Variants in EPHA2 observed in about 807,000 individuals in gnomAD.
The protein encoded by EPHA2 is ephrin type-A receptor 2.
In EPHA2, 54 loss-of-function variants were observed where a neutral mutation model predicts 104.9. The observed-to-expected ratio is 0.51, with a 90% CI of 0.41 to 0.65. The LOEUF (loss-of-function observed/expected upper bound fraction) is 0.65, where lower values mean the gene tolerates loss of function less well. EPHA2 is among the 30% of genes least tolerant of loss of function. The pLI, the probability that EPHA2 is intolerant of heterozygous loss-of-function variation, is 0.00. For missense variants in EPHA2, 1,117 were observed against 1,369.5 expected, an observed-to-expected ratio of 0.82 and a Z score of 2.91; for synonymous variants, 560 against 559.1, an observed-to-expected ratio of 1.00 and a Z score of -0.02.
chr1:16,134,960 A>T lies in EPHA2; in HGVS notation c.1582+76T>A. The T allele has an allele frequency of 6.3e-7, 1 of 1,588,958 alleles. No homozygotes were observed. The highest frequency in any genetic ancestry group is 8.5e-7 in the Non-Finnish European group (1 of 1,170,804). On this transcript the variant is annotated intron_variant, in intron 7 of 16. Coordinates refer to ENST00000358432, the MANE Select transcript of EPHA2 (RefSeq NM_004431.5). The surrounding 1 kb of genome is among the most constrained non-coding windows in gnomAD (Gnocchi z 4.5). ...GGGGCATTTCTAAGTTATTTGATTC[A>T]CTTCCTTTCCCAAGATGTCTCAATT...
intron 3 of EPHA2, 56 bp from the exon 4 acceptor site, chr1:16,138,486 C>A: frequency 6.2e-7 from 1 of 1,610,660 alleles, no homozygotes; most frequent in Non-Finnish European, 8.5e-7. Context: ...TGCTTCCACC[C>A]CACGTGACTG....
At chr1:16,136,367 C>T (rs371903659) in intron 5 of EPHA2, among the ~76,000 whole-genome samples, 1 of 150,448 alleles carries the variant, frequency 6.6e-6, no homozygotes, top group Non-Finnish European at 1.5e-5. Context: ...CCCCTGTAAT[C>T]CCAGCACTTT....
intron 16 of EPHA2, among the ~76,000 whole-genome samples, chr1:16,126,739 C>T (rs1381686540): frequency 6.6e-6 from 1 of 152,168 alleles, no homozygotes; most frequent in East Asian, 1.9e-4. Context: ...ATTTGCAGTT[C>T]CGCAGGTGGG....
rs938894319 is a variant in EPHA2 at position 16,124,976 on chromosome 1, G to T, written c.*239C>A. On this transcript the variant is annotated 3_prime_UTR_variant, in exon 17 of 17. Transcript: ENST00000358432. The stretch of plus-strand genomic sequence containing the variant: ...TGCTCCAGGGATGCTGGGACGTGGC[G>T]GTGCCTGCTAAGTGCTCAGCTGTGT... 2 of 545,018 alleles carry T rather than the reference G, an allele frequency of 3.7e-6. No individual in the cohort carries two copies. The highest frequency in any genetic ancestry group is 6.6e-6 in the Non-Finnish European group (2 of 300,806). The allele number at this position is 545,018 out of a possible 1,614,324, so 33.8% of individuals were successfully genotyped here.
rs868194619 is a variant in EPHA2 at position 16,131,798 on chromosome 1, C to A, written c.2398G>T (p.Val800Leu). Residue 800 changes from valine (V) to leucine (L), a missense_variant, in exon 14 of 17, where the codon GTG (valine) becomes TTG (leucine). Val to Leu is a conservative substitution (Grantham distance 32). This residue lies in a region of EPHA2 where 340 missense variants were observed against 480.5 expected (regional missense o/e 0.71). Transcript: ENST00000358432. This position sits in a 1 kb window ranked among gnomAD's most constrained non-coding sequence, Gnocchi z 5.2. Reference sequence around the variant, plus strand: ...CACATGACAATGCCAAAGCTCCACACGTCGCTGGCAGAGGTGAACTTCCGG... The same window carrying A: ...CACATGACAATGCCAAAGCTCCACAAGTCGCTGGCAGAGGTGAACTTCCGG... Reference protein sequence around the residue: ...SYRKFTSASDVWSFGIVMWEV... With the variant: ...SYRKFTSASDLWSFGIVMWEV... 1 of 1,614,118 alleles carries A rather than the reference C, an allele frequency of 6.2e-7. No homozygotes were observed. Among genetic ancestry groups the A allele is most frequent in the Non-Finnish European group, 8.5e-7 (1 of 1,180,028 alleles).
At position 16,150,832 on chromosome 1, in the gene EPHA2, C is replaced by T. The variant is rs2025019953; in HGVS notation, c.153+64G>A. On this transcript the variant is annotated intron_variant, in intron 2 of 16. Transcript: ENST00000358432. The surrounding 1 kb of genome is among the most constrained non-coding windows in gnomAD (Gnocchi z 4.8). ...CCACGCTCCCTGGGCCTCAGTTTCT[C>T]CATCTCTACAGGGGACCAGCAGCCC... 2 of 1,583,828 alleles carry T rather than the reference C, an allele frequency of 1.3e-6. No homozygotes were observed.
At chr1:16,139,951 T>C (rs1245079308) in intron 3 of EPHA2, among the ~76,000 whole-genome samples, 1 of 152,166 alleles carries the variant, frequency 6.6e-6, no homozygotes, top group Non-Finnish European at 1.5e-5. Flanking sequence ...TGGCCCCTAA[T>C]GGCCTAAGGA....
At chr1:16,136,094 T>A (rs1368582067) in intron 5 of EPHA2, among the ~76,000 whole-genome samples, 1 of 151,868 alleles carries the variant, frequency 6.6e-6, no homozygotes, top group Non-Finnish European at 1.5e-5. Flanking sequence ...TGGTCTCAAA[T>A]GCCTGAGCTC....
rs1318597172 is a variant in EPHA2 at position 16,134,041 on chromosome 1, G to A, written c.1683-126C>T. 1.1e-5 allele frequency: 10 copies of A among 936,754 alleles called. No individual in the cohort carries two copies. The highest frequency in any genetic ancestry group is 8.3e-5 in the African/African-American group (5 of 60,094). 58.0% of individuals were successfully genotyped at this position (936,754 alleles called of 1,614,324 possible). A position where few individuals can be genotyped will look rare whatever the true frequency, so the allele number is the denominator to read the frequency against. On this transcript the variant is annotated intron_variant, in intron 8 of 16. Coordinates refer to ENST00000358432, the MANE Select transcript of EPHA2 (RefSeq NM_004431.5). This position sits in a 1 kb window ranked among gnomAD's most constrained non-coding sequence, Gnocchi z 4.5. ...GTGCTCAGAATGCGGCCCAGTCCCC[G>A]CTTTTGCTGCCCAAGCTCCACTCTC...
rs772822763 is a variant in EPHA2, at chr1:16,155,890, C to A, written c.43G>T (p.Gly15Cys). 82 of 1,487,702 alleles carry A rather than the reference C, an allele frequency of 5.5e-5. No individual in the cohort carries two copies. The Middle Eastern group carries it at 6.0e-4, about 11-fold the overall frequency. 92.2% of individuals were successfully genotyped at this position (1,487,702 alleles called of 1,614,324 possible). The change falls in exon 1 of 17, where the codon GGC becomes TGC. Residue 15 changes from glycine to cysteine, a missense_variant. This residue lies in a region of EPHA2 where 664 missense variants were observed against 784.8 expected (regional missense o/e 0.85). Transcript: ENST00000358432. ...GCCGCGGCCGCGGCCAGCGCACAGCCCCACAGCAGGGCGAAGCAGGCGCGG... is the reference window on the plus strand; with the variant it reads ...GCCGCGGCCGCGGCCAGCGCACAGCACCACAGCAGGGCGAAGCAGGCGCGG... ...AARACFALLW[G>C]CALAAAAAAQ... is the part of the protein sequence containing the mutation.
chr1:16,128,283 A>C lies in EPHA2; in HGVS notation c.2825+1151T>G, dbSNP rs1202769377. Among the ~76,000 whole-genome samples the C allele has an allele frequency of 3.3e-5, 5 of 152,170 alleles. No individual in the cohort carries two copies. Among genetic ancestry groups the C allele is most frequent in the Non-Finnish European group, 7.4e-5 (5 of 68,022 alleles). On this transcript the variant is annotated intron_variant, in intron 16 of 16. Coordinates refer to ENST00000358432, the MANE Select transcript of EPHA2 (RefSeq NM_004431.5). The surrounding 1 kb of genome is among the most constrained non-coding windows in gnomAD (Gnocchi z 4.7). ...GGCCCTGCTGGGCTGGCGGGCAGCA[A>C]AAGACATCCTGTGATCCATCTCCCC... is the stretch of plus-strand genomic sequence containing the variant.
At chr1:16,155,615 G>C (rs554544455) in intron 1 of EPHA2, 1 of 400,760 alleles carries the variant, frequency 2.5e-6, no homozygotes, top group South Asian at 8.3e-5. Flanking sequence ...CCTCTTCTCC[G>C]CAGCCTCCGA....
intron 3 of EPHA2, among the ~76,000 whole-genome samples, chr1:16,144,192 G>A (rs924668641): frequency 4.6e-5 from 7 of 152,202 alleles, no homozygotes; most frequent in African/African-American, 1.4e-4. Flanking sequence ...AGATGCCAGC[G>A]CCTAGCTTTG....
Position 16,125,361 on chromosome 1 carries a change from GCA to G in EPHA2, c.2826-43_2826-42del. 7.3e-7 allele frequency: 1 copy of G among 1,373,466 alleles called. No homozygotes were observed. The highest frequency in any genetic ancestry group is 1.0e-6 in the Non-Finnish European group (1 of 979,206). The allele number at this position is 1,373,466 out of a possible 1,614,324, so 85.1% of individuals were successfully genotyped here. A position where few individuals can be genotyped will look rare whatever the true frequency, so the allele number is the denominator to read the frequency against. On this transcript the variant is annotated intron_variant, in intron 16 of 16. Transcript: ENST00000358432. The surrounding 1 kb of genome is among the most constrained non-coding windows in gnomAD (Gnocchi z 4.9). The stretch of plus-strand genomic sequence containing the variant: ...GAGAGAGGGAGAGTTAGGGGCTGGA[GCA>G]GGGGAGGGGGCCGGGCTGGGTGGGG...
rs2024584476 is a variant in EPHA2, at chr1:16,132,288, G to A, written c.2116-15C>T. On this transcript the variant is annotated splice_polypyrimidine_tract_variant and intron_variant, in intron 12 of 16. Coordinates refer to ENST00000358432, the MANE Select transcript of EPHA2 (RefSeq NM_004431.5). ...CCATCCTTCTCCTGCCGGAGCACAG[G>A]CGCTCAGCTGCAGGCCAGCCCTGAA... 4 of 1,613,884 alleles carry A rather than the reference G, an allele frequency of 2.5e-6. No individual in the cohort carries two copies. Among genetic ancestry groups the A allele is most frequent in the Non-Finnish European group, 3.4e-6 (4 of 1,180,016 alleles).
At chr1:16,136,978 T>G (rs548322724) in intron 5 of EPHA2, among the ~76,000 whole-genome samples, 23 of 151,804 alleles carry the variant, frequency 1.5e-4, no homozygotes, top group Admixed American at 1.5e-3. Context: ...TTTTGTATTT[T>G]TAGTAGAGAT....
In EPHA2 at chr1:16,125,452, T is replaced by G. The variant is rs530661108; in HGVS notation, c.2826-132A>C. On this transcript the variant is annotated intron_variant, in intron 16 of 16. Transcript: ENST00000358432. The surrounding 1 kb of genome is among the most constrained non-coding windows in gnomAD (Gnocchi z 4.9). ...AGGCAGAGGAGGAGGGTGGAGAGGGTGCCTTGGGGACCTGTAGGGCAAGAG... is the reference window on the plus strand; with the variant it reads ...AGGCAGAGGAGGAGGGTGGAGAGGGGGCCTTGGGGACCTGTAGGGCAAGAG... 8 of 685,596 alleles carry G rather than the reference T, an allele frequency of 1.2e-5. No individual in the cohort carries two copies. The highest frequency in any genetic ancestry group is 2.8e-5 in the East Asian group (1 of 36,048). 42.5% of individuals were successfully genotyped at this position (685,596 alleles called of 1,614,324 possible). A position where few individuals can be genotyped will look rare whatever the true frequency, so the allele number is the denominator to read the frequency against.
At chr1:16,152,463 G>A (rs998865822) in intron 1 of EPHA2, among the ~76,000 whole-genome samples, 3 of 151,978 alleles carry the variant, frequency 2.0e-5, no homozygotes, top group African/African-American at 7.3e-5. Flanking sequence ...ATGTGACACC[G>A]GCCCCATGAC....
rs564478428 is a variant in EPHA2 at position 16,133,902 on chromosome 1, G to A, written c.1696C>T (p.Arg566Cys). 32 of 1,550,580 alleles carry A rather than the reference G, an allele frequency of 2.1e-5. No homozygotes were observed. The African/African-American group carries it at 2.3e-4, about 11-fold the overall frequency. ...ACGTCCTCCGGGGACTGGCGGGCAC[G>A]CTGGTTCTTCCTCCTGAAAGAGCCC... The part of the protein sequence containing the change: ...FFIHRRRKNQ[R>C]ARQSPEDVYF... Residue 566 changes from arginine to cysteine, a missense_variant, in exon 9 of 17, where the codon CGT becomes TGT. By Grantham distance (180) the Arg-to-Cys change is radical. This residue lies in a region of EPHA2 where 113 missense variants were observed against 104.3 expected (regional missense o/e 1.08). Transcript: ENST00000358432.
Sources: allele counts gnomAD v4.1 joint callset (sites outside exome capture counted in the v4.1 genomes callset), GRCh38; gene constraint gnomAD v4.1.1; regional missense constraint gnomAD v4.1.1; non-coding constraint Gnocchi (gnomAD v3.1); transcripts MANE v1.5; gene names NCBI Gene and HGNC (gene_info 2026-07-23, HGNC 2026-07-21).